The following NRAP variants were observed in gnomAD, a reference collection of about 807,000 sequenced individuals.
NRAP encodes the protein nebulin-related-anchoring protein.
NRAP carries 189 observed loss-of-function variants against 225.9 expected under a neutral mutation model. The observed-to-expected ratio is 0.84, with a 90% CI of 0.74 to 0.94. The LOEUF is 0.94. Ranked by LOEUF, NRAP falls within the 40% of genes least tolerant of loss-of-function variation. NRAP has a pLI of 0.00. For synonymous variants in NRAP, 769 were observed against 790.7 expected (o/e 0.97, Z 0.46); for missense variants, 2,176 against 2,168.7 (o/e 1.00, Z -0.07).
intron 23 of NRAP, 49 bp from the exon 24 acceptor site, chr10:113,622,229 T>G: frequency 7.6e-7 from 1 of 1,312,616 alleles, no homozygotes; most frequent in Non-Finnish European, 1.1e-6. Context: ...CCTAAAGGAA[T>G]TGTTAGGCTT....
At chr10:113,607,386 A>G (rs1208424073) in intron 32 of NRAP, among the ~76,000 whole-genome samples, 1 of 120,628 alleles carries the variant, frequency 8.3e-6, no homozygotes, top group Non-Finnish European at 1.6e-5. Flanking sequence ...TGGGTGAAAG[A>G]GCGAAACTCC....
intron 23 of NRAP, 89 bp downstream of exon 23, chr10:113,623,440 T>C (rs944010953): frequency 2.6e-5 from 20 of 757,402 alleles, no homozygotes; most frequent in Non-Finnish European, 3.9e-5. Context: ...TTCAGAGAGA[T>C]TAAGAACCTG....
At chr10:113,593,960 C>T (rs1846138892) in intron 38 of NRAP, among the ~76,000 whole-genome samples, 2 of 152,246 alleles carry the variant, frequency 1.3e-5, no homozygotes. Flanking sequence ...CCCGAGTGTG[C>T]AGGCCCCTTT....
intron 12 of NRAP, 93 bp from the exon 13 acceptor site, chr10:113,641,565 A>G (rs1343321750): frequency 1.4e-6 from 1 of 739,490 alleles, no homozygotes; most frequent in Non-Finnish European, 2.4e-6. Flanking sequence ...TCCAAGGCAT[A>G]AATGATTAAA....
chr10:113,662,700 T>C lies in NRAP; in HGVS notation c.234A>G (p.Thr78=), dbSNP rs1194410478. The change falls in exon 3 of 42, where the codon ACA becomes ACG. Residue 78 remains threonine (T), a synonymous_variant. Coordinates refer to ENST00000359988, the MANE Select transcript of NRAP (RefSeq NM_198060.4). ...TTACCCCACTGATGGCCTCTGGAAA[T>C]GTCCTCACATTTAGATTTAATGGAG... is the stretch of plus-strand genomic sequence containing the variant. ...YHTPLNLNVR[T]FPEAISGIHD... 1.3e-6 allele frequency: 2 copies of C among 1,588,370 alleles called. No individual in the cohort carries two copies. The highest frequency in any genetic ancestry group is 1.7e-6 in the Non-Finnish European group (2 of 1,156,532).
chr10:113,650,330 T>C (rs1849866104), intron 8 of NRAP, 108 bp downstream of exon 8: 3 of 876,040 alleles, frequency 3.4e-6, no homozygotes, highest in South Asian at 1.4e-5. Context: ...GGAAAACTAC[T>C]CCCTGGCTTC....
intron 37 of NRAP, 93 bp from the exon 38 acceptor site, chr10:113,595,820 C>A: frequency 1.2e-6 from 1 of 824,226 alleles, no homozygotes; most frequent in Non-Finnish European, 2.1e-6. Flanking sequence ...CCCCTCCCAC[C>A]TGAGTGCCCA....
At chr10:113,644,834 CTTG>C (rs1390117501) in intron 11 of NRAP, among the ~76,000 whole-genome samples, 1 of 152,188 alleles carries the variant, frequency 6.6e-6, no homozygotes, top group African/African-American at 2.4e-5. Flanking sequence ...TTGCAGATAA[CTTG>C]TTATGTGAAT....
chr10:113,656,588 A>G (rs1850321359), intron 4 of NRAP, among the ~76,000 whole-genome samples: 1 of 152,210 alleles, frequency 6.6e-6, no homozygotes, highest in Non-Finnish European at 1.5e-5. Flanking sequence ...ATACTAGCTG[A>G]TATTTATTGT....
intron 30 of NRAP, 98 bp from the exon 31 acceptor site, chr10:113,610,661 C>T (rs1847273005): frequency 2.8e-6 from 2 of 706,570 alleles, no homozygotes; most frequent in East Asian, 2.7e-5. Context: ...CATCTGACAG[C>T]GTCATAATTA....
In NRAP at chr10:113,652,768, G is replaced by A. The variant is rs553098781; in HGVS notation, c.570+167C>T. Reference sequence around the variant, plus strand: ...ATAGACATGGTCCAATCACAGCACAGAGAATACTTGACGGGGAAAAGTAAG... The same window carrying A: ...ATAGACATGGTCCAATCACAGCACAAAGAATACTTGACGGGGAAAAGTAAG... On this transcript the variant is annotated intron_variant, in intron 6 of 41. Coordinates refer to ENST00000359988, the MANE Select transcript of NRAP (RefSeq NM_198060.4). 2.0e-5 allele frequency among the ~76,000 whole-genome samples: 3 copies of A among 152,262 alleles called. No individual in the cohort carries two copies. In the East Asian group the frequency reaches 5.8e-4, roughly 29 times the overall value.
At chr10:113,622,586 G>A (rs1298804144) in intron 23 of NRAP, among the ~76,000 whole-genome samples, 1 of 152,144 alleles carries the variant, frequency 6.6e-6, no homozygotes, top group Non-Finnish European at 1.5e-5. Flanking sequence ...GAGTAACAAG[G>A]ACCAGAAGCA....
At position 113,654,125 on chromosome 10, in the gene NRAP, T is replaced by C; in HGVS notation, c.361A>G (p.Arg121Gly). The stretch of plus-strand genomic sequence containing the variant: ...TCCCCATATCCAGTCCAATAGGCTC[T>C]CTACAAAGGAAGCACATGAAGGGAT... ...APNRQPLANERAYWTGYGEGN... is the reference protein window; with the variant it reads ...APNRQPLANEGAYWTGYGEGN... Residue 121 changes from arginine to glycine, a missense_variant and splice_region_variant, in exon 5 of 42, where the codon AGA becomes GGA. By Grantham distance (125) the Arg-to-Gly change is moderately radical (BLOSUM62 -2). Transcript: ENST00000359988. The C allele has an allele frequency of 6.3e-7, 1 of 1,597,880 alleles. No homozygotes were observed. Among genetic ancestry groups the C allele is most frequent in the African/African-American group, 1.3e-5 (1 of 74,606 alleles).
Position 113,617,478 on chromosome 10 carries a change from T to C in NRAP, c.2950A>G (p.Ile984Val). The C allele has an allele frequency of 6.2e-7, 1 of 1,607,284 alleles. No individual in the cohort carries two copies. The highest frequency in any genetic ancestry group is 8.5e-7 in the Non-Finnish European group (1 of 1,173,806). The stretch of plus-strand genomic sequence containing the variant: ...ACATCCACTGCTTGGGTATAACTAA[T>C]TCTGGCCTGGACCATCTCCGGAGTG... ...KDTPEMVQARISYTQAVDRLY... is the reference protein window; with the variant it reads ...KDTPEMVQARVSYTQAVDRLY... Residue 984 changes from isoleucine (I) to valine (V), a missense_variant, in exon 26 of 42, where the codon ATT becomes GTT. Coordinates refer to ENST00000359988, the MANE Select transcript of NRAP (RefSeq NM_198060.4).
chr10:113,621,930 G>A lies in NRAP; in HGVS notation c.2708C>T (p.Thr903Met), dbSNP rs377647350. The change falls in exon 24 of 42, where the codon ACG becomes ATG. Residue 903 changes from threonine to methionine, a missense_variant. Around this residue, in one of 3 missense-constraint regions of NRAP, gnomAD observed 1,708 missense variants for 1,695.5 expected, o/e 1.01. Transcript: ENST00000359988. The part of the protein sequence containing the change: ...VGYKTAEHHF[T>M]ALPTDMKVEW... ...CACCTTCATGTCTGTGGGCAAAGCC[G>A]TAAAGTGATGTTCCGCTGTCTTGTA... 31 of 1,614,018 alleles carry A rather than the reference G, an allele frequency of 1.9e-5. 1 individual carries two copies. The Admixed American group carries it at 2.0e-4, about 10-fold the overall frequency.
chr10:113,653,577 T>C (rs545180636), intron 5 of NRAP, among the ~76,000 whole-genome samples: 2 of 152,366 alleles, frequency 1.3e-5, no homozygotes, highest in African/African-American at 4.8e-5. Context: ...TAAGTGTACC[T>C]AGAGGTAACC....
chr10:113,590,442 C>T, intron 40 of NRAP, 136 bp downstream of exon 40: 2 of 764,290 alleles, frequency 2.6e-6, no homozygotes, highest in Admixed American at 5.5e-5. Context: ...CTTTCTGGCA[C>T]TAAAGTGTTA....
chr10:113,636,522 G>A (rs1848876976), intron 14 of NRAP, among the ~76,000 whole-genome samples: 1 of 152,148 alleles, frequency 6.6e-6, no homozygotes, highest in African/African-American at 2.4e-5. Context: ...CTTACTGTTG[G>A]GGAAGTAAGG....
At position 113,643,522 on chromosome 10, in the gene NRAP, C is replaced by A. The variant is rs141709508; in HGVS notation, c.1111-484G>T. On this transcript the variant is annotated intron_variant, in intron 11 of 41. Transcript: ENST00000359988. Reference sequence around the variant, plus strand: ...ACATCTTTATAGGTATACTTCAATGCAATTCAACGAGGAAAGTTACTTTAC... The same window carrying A: ...ACATCTTTATAGGTATACTTCAATGAAATTCAACGAGGAAAGTTACTTTAC... Among the ~76,000 whole-genome samples the A allele has an allele frequency of 2.5e-3, 380 of 152,296 alleles. 2 individuals carry two copies. Among genetic ancestry groups the A allele is most frequent in the African/African-American group, 8.8e-3 (366 of 41,574 alleles).
Sources: allele counts gnomAD v4.1 joint callset (sites outside exome capture counted in the v4.1 genomes callset), GRCh38; gene constraint gnomAD v4.1.1; regional missense constraint gnomAD v4.1.1; transcripts MANE v1.5; gene names NCBI Gene and HGNC (gene_info 2026-07-23, HGNC 2026-07-21).